HS6ST3: variants seen among roughly 807,000 people sequenced by gnomAD.
The protein encoded by HS6ST3 is heparan-sulfate 6-O-sulfotransferase 3.
A neutral mutation model predicts 36.7 loss-of-function variants in HS6ST3; 12 were observed. The observed-to-expected ratio is 0.33, with a 90% CI of 0.21 to 0.53. The LOEUF is 0.53. Ranked by LOEUF, HS6ST3 falls within the 20% of genes least tolerant of loss-of-function variation. HS6ST3 has a pLI of 0.95. For synonymous variants in HS6ST3, 240 were observed against 257.5 expected, an observed-to-expected ratio of 0.93 and a Z score of 0.65; for missense variants, 584 against 640.9, an observed-to-expected ratio of 0.91 and a Z score of 0.96.
intron 1 of HS6ST3, among the ~76,000 whole-genome samples, chr13:96,578,113 C>G (rs1407996033): frequency 6.6e-6 from 1 of 152,168 alleles, no homozygotes; most frequent in Non-Finnish European, 1.5e-5. Context: ...CCTTCCTCCC[C>G]GCACATTCCC....
intron 1 of HS6ST3, among the ~76,000 whole-genome samples, chr13:96,664,654 G>A (rs1489892980): frequency 2.6e-5 from 4 of 152,046 alleles, no homozygotes; most frequent in Non-Finnish European, 4.4e-5. Context: ...TAGGTGAGGG[G>A]ATCTCTTTTG....
chr13:96,659,592 A>T (rs951281520), intron 1 of HS6ST3, among the ~76,000 whole-genome samples: 4 of 152,054 alleles, frequency 2.6e-5, no homozygotes, highest in Non-Finnish European at 4.4e-5. Flanking sequence ...ATGAAGATAT[A>T]TGTTTTCTAC....
intron 1 of HS6ST3, among the ~76,000 whole-genome samples, chr13:96,654,636 G>A (rs2056618557): frequency 6.6e-6 from 1 of 152,162 alleles, no homozygotes; most frequent in Admixed American, 6.5e-5. Context: ...TTGAAGTCAG[G>A]TAGCGTGATG....
At chr13:96,481,488 C>T (rs1006224030) in intron 1 of HS6ST3, among the ~76,000 whole-genome samples, 7 of 152,276 alleles carry the variant, frequency 4.6e-5, no homozygotes, top group African/African-American at 1.7e-4. Context: ...CAAGTGCTGC[C>T]TTGCCAGTTG....
chr13:96,371,423 A>C (rs2055289532), intron 1 of HS6ST3, among the ~76,000 whole-genome samples: 1 of 152,214 alleles, frequency 6.6e-6, no homozygotes, highest in Non-Finnish European at 1.5e-5. Context: ...AATCAAGCTA[A>C]TCAACCTATC....
chr13:96,103,301 A>C (rs2053826394), intron 1 of HS6ST3, among the ~76,000 whole-genome samples: 1 of 152,166 alleles, frequency 6.6e-6, no homozygotes, highest in South Asian at 2.1e-4. Flanking sequence ...AAGACCTCTA[A>C]ATTTGTAATC....
chr13:96,345,373 T>C (rs1420422099), intron 1 of HS6ST3, among the ~76,000 whole-genome samples: 2 of 152,232 alleles, frequency 1.3e-5, no homozygotes, highest in African/African-American at 4.8e-5. Context: ...TTTGTCTTAG[T>C]GACTGGATTA....
intron 1 of HS6ST3, among the ~76,000 whole-genome samples, chr13:96,203,393 T>C (rs1166414509): frequency 1.3e-5 from 2 of 152,284 alleles, no homozygotes; most frequent in Admixed American, 6.5e-5. Context: ...ATCCCATTCA[T>C]GAAGGCTTCA....
chr13:96,732,694 G>A (rs756459181), intron 1 of HS6ST3, among the ~76,000 whole-genome samples: 21 of 152,022 alleles, frequency 1.4e-4, no homozygotes, highest in Non-Finnish European at 2.8e-4. Context: ...AAATGTAACT[G>A]GCATTTTGAT....
chr13:96,696,075 C>G (rs1182403884), intron 1 of HS6ST3, among the ~76,000 whole-genome samples: 2 of 152,034 alleles, frequency 1.3e-5, no homozygotes, highest in Non-Finnish European at 2.9e-5. Context: ...AGGGTCCTAC[C>G]AGAGAAATTG....
At chr13:96,363,274 T>C (rs778962204) in intron 1 of HS6ST3, among the ~76,000 whole-genome samples, 1 of 148,384 alleles carries the variant, frequency 6.7e-6, no homozygotes, top group Non-Finnish European at 1.5e-5. Flanking sequence ...GAAGGGTTTA[T>C]GGGGTCTTCC....
At chr13:96,123,846 A>G (rs1594684993) in intron 1 of HS6ST3, among the ~76,000 whole-genome samples, 2 of 152,300 alleles carry the variant, frequency 1.3e-5, no homozygotes, top group East Asian at 3.9e-4. Flanking sequence ...GATGCAGGTA[A>G]AGGATTTATG....
intron 1 of HS6ST3, among the ~76,000 whole-genome samples, chr13:96,802,716 G>A (rs1194906590): frequency 1.3e-5 from 2 of 152,112 alleles, no homozygotes; most frequent in East Asian, 1.9e-4. Flanking sequence ...ATCTCTGATC[G>A]TAACCAACAA....
At chr13:96,401,678 C>T (rs957930281) in intron 1 of HS6ST3, among the ~76,000 whole-genome samples, 1 of 152,066 alleles carries the variant, frequency 6.6e-6, no homozygotes, top group African/African-American at 2.4e-5. Flanking sequence ...GGGCTCAAGC[C>T]ATTCTCCTGC....
intron 1 of HS6ST3, among the ~76,000 whole-genome samples, chr13:96,801,463 A>G (rs1224126760): frequency 6.6e-6 from 1 of 151,582 alleles, no homozygotes; most frequent in Non-Finnish European, 1.5e-5. Flanking sequence ...TAATTTTCTC[A>G]CTTGATTTGT....
At chr13:96,458,267 T>G (rs145988908) in intron 1 of HS6ST3, among the ~76,000 whole-genome samples, 1 of 152,266 alleles carries the variant, frequency 6.6e-6, no homozygotes, top group South Asian at 2.1e-4. Context: ...ATTCTGTTTT[T>G]CTGTTTTAAG....
chr13:96,710,356 G>A (rs1415851299), intron 1 of HS6ST3, among the ~76,000 whole-genome samples: 1 of 152,206 alleles, frequency 6.6e-6, no homozygotes, highest in Non-Finnish European at 1.5e-5. Flanking sequence ...CAGGCAGCTG[G>A]TGCTGGGTCA....
chr13:96,378,332 A>C (rs938056129), intron 1 of HS6ST3, among the ~76,000 whole-genome samples: 2 of 152,180 alleles, frequency 1.3e-5, no homozygotes, highest in African/African-American at 4.8e-5. Context: ...GCCTTACTGC[A>C]GTAGTTTCTG....
chr13:96,193,543 A>G (rs1318420054), intron 1 of HS6ST3, among the ~76,000 whole-genome samples: 2 of 152,178 alleles, frequency 1.3e-5, no homozygotes, highest in Non-Finnish European at 2.9e-5. Context: ...ACAGCGATCA[A>G]TTTAAACAGG....
Sources: allele counts gnomAD v4.1 joint callset (sites outside exome capture counted in the v4.1 genomes callset), GRCh38; gene constraint gnomAD v4.1.1; transcripts MANE v1.5; gene names NCBI Gene and HGNC (gene_info 2026-07-23, HGNC 2026-07-21).